Variants in EXOC4 observed in about 807,000 individuals in gnomAD.
The protein encoded by EXOC4 is exocyst complex component 4, also known as SEC8-like 1.
In EXOC4, 71 loss-of-function variants were observed where a neutral mutation model predicts 107.2. That is an observed-to-expected ratio of 0.66 (90% CI 0.55 to 0.81). The LOEUF (loss-of-function observed/expected upper bound fraction) is 0.81, where lower values mean the gene tolerates loss of function less well. EXOC4 is among the 30% of genes least tolerant of loss of function. The probability of loss-of-function intolerance (pLI) is 0.00; values close to 1 mark genes in which losing one functional copy is unlikely to be tolerated. For synonymous variants in EXOC4, 456 were observed against 441.2 expected, an observed-to-expected ratio of 1.03 and a Z score of -0.42; for missense variants, 1,108 against 1,189.6, an observed-to-expected ratio of 0.93 and a Z score of 1.01.
intron 10 of EXOC4, among the ~76,000 whole-genome samples, chr7:133,787,331 T>G (rs1796593079): frequency 7.1e-6 from 1 of 140,128 alleles, no homozygotes; most frequent in Non-Finnish European, 1.6e-5. Flanking sequence ...CACAATAGGC[T>G]AATTTGTGTG....
intron 9 of EXOC4, among the ~76,000 whole-genome samples, chr7:133,588,956 GCA>G (rs1232073053): frequency 6.7e-6 from 1 of 148,342 alleles, no homozygotes; most frequent in African/African-American, 2.5e-5. Flanking sequence ...ATGTGTGTGT[GCA>G]CATATGTGTG....
At chr7:134,070,398 C>CTCT (rs1796257530), downstream of EXOC4, among the ~76,000 whole-genome samples, 1 of 152,182 alleles carries the variant, frequency 6.6e-6, no homozygotes, top group Non-Finnish European at 1.5e-5. Flanking sequence ...AGATGCACAC[C>CTCT]ACAGGTTTAC....
At chr7:133,544,983 C>A (rs1446257611) in intron 9 of EXOC4, among the ~76,000 whole-genome samples, 1 of 151,318 alleles carries the variant, frequency 6.6e-6, no homozygotes, top group Non-Finnish European at 1.5e-5. Context: ...TCACTTTGGG[C>A]CTTTAAAAGC....
intron 7 of EXOC4, among the ~76,000 whole-genome samples, chr7:133,398,279 C>T (rs1474324293): frequency 6.6e-6 from 1 of 152,166 alleles, no homozygotes; most frequent in Non-Finnish European, 1.5e-5. Flanking sequence ...TATCTCCTCA[C>T]TCCAGCAATG....
intron 14 of EXOC4, among the ~76,000 whole-genome samples, chr7:133,963,537 ATGT>A (rs1563073137): frequency 6.6e-6 from 1 of 152,180 alleles, no homozygotes; most frequent in Non-Finnish European, 1.5e-5. Context: ...TGACAAATAG[ATGT>A]TGTGGGCCTC....
intron 14 of EXOC4, among the ~76,000 whole-genome samples, chr7:133,957,069 A>G (rs746263066): frequency 9.2e-5 from 14 of 152,052 alleles, no homozygotes; most frequent in Non-Finnish European, 1.5e-5. Flanking sequence ...CCTCAGTGGC[A>G]TTCTCAAAAT....
intron 5 of EXOC4, among the ~76,000 whole-genome samples, chr7:133,353,370 TC>T (rs1795953361): frequency 1.3e-5 from 2 of 152,160 alleles, no homozygotes; most frequent in African/African-American, 4.8e-5. Context: ...TCTTAATTTT[TC>T]CCAATCACTT....
intron 10 of EXOC4, among the ~76,000 whole-genome samples, chr7:133,672,389 TA>T (rs764420077): frequency 0.029 from 3,735 of 130,098 alleles, 98 homozygotes; most frequent in African/African-American, 0.081. Context: ...AGACTCCGTT[TA>T]AAAAAAAAAA....
chr7:133,527,280 T>C (rs1021513690), intron 9 of EXOC4, among the ~76,000 whole-genome samples: 7 of 151,904 alleles, frequency 4.6e-5, no homozygotes, highest in African/African-American at 4.8e-5. Context: ...GATGGGTGCC[T>C]GTAATCCCAG....
At chr7:133,971,144 A>G (rs1409656766) in intron 14 of EXOC4, among the ~76,000 whole-genome samples, 1 of 151,864 alleles carries the variant, frequency 6.6e-6, no homozygotes, top group Non-Finnish European at 1.5e-5. Context: ...GCAAGGGTAC[A>G]GAAGGTTTAG....
At chr7:133,475,819 G>A (rs1798997420) in intron 8 of EXOC4, among the ~76,000 whole-genome samples, 1 of 152,126 alleles carries the variant, frequency 6.6e-6, no homozygotes, top group Non-Finnish European at 1.5e-5. Flanking sequence ...GGCCCCAAGA[G>A]CCAAGAAACA....
chr7:134,074,597 G>A, the EXOC4 span, among the ~76,000 whole-genome samples: 3 of 152,204 alleles, frequency 2.0e-5, no homozygotes, highest in Non-Finnish European at 4.4e-5. Context: ...GGCCCAAGAG[G>A]AGAGTGGGGA....
chr7:133,508,575 G>T (rs1357076324), intron 9 of EXOC4, among the ~76,000 whole-genome samples: 2 of 152,136 alleles, frequency 1.3e-5, no homozygotes, highest in African/African-American at 2.4e-5. Flanking sequence ...TGCGCTGTAA[G>T]AGATCATCAA....
At chr7:134,011,658 A>G (rs911586196) in intron 17 of EXOC4, among the ~76,000 whole-genome samples, 1 of 152,066 alleles carries the variant, frequency 6.6e-6, no homozygotes, top group Non-Finnish European at 1.5e-5. Context: ...TTCATCAAAT[A>G]TTTATTCAGC....
At position 133,348,232 on chromosome 7, in the gene EXOC4, T is replaced by C. The variant is rs1795829946; in HGVS notation, c.764-8098T>C. On this transcript the variant is annotated intron_variant, in intron 5 of 17. Coordinates refer to ENST00000253861, the MANE Select transcript of EXOC4 (RefSeq NM_021807.4). The stretch of plus-strand genomic sequence containing the variant: ...CCTTTTAATTTTCAGCTGATGTAAG[T>C]GAAATAGATAATATAAATTAATTAA... Among the ~76,000 whole-genome samples, 4 of 152,214 alleles carry C rather than the reference T, an allele frequency of 2.6e-5. No homozygotes were observed. In the South Asian group the frequency reaches 8.3e-4, roughly 31 times the overall value.
chr7:133,413,905 T>A (rs1019098202), intron 7 of EXOC4, among the ~76,000 whole-genome samples: 1 of 152,122 alleles, frequency 6.6e-6, no homozygotes, highest in African/African-American at 2.4e-5. Context: ...TAAAGGGACA[T>A]ACTTTCATGA....
intron 9 of EXOC4, among the ~76,000 whole-genome samples, chr7:133,586,525 C>T (rs1334518334): frequency 5.3e-5 from 8 of 152,106 alleles, no homozygotes; most frequent in Non-Finnish European, 1.5e-5. Context: ...CATTGATGGA[C>T]ATTTAGGTTG....
At chr7:133,400,179 G>C (rs1217977836) in intron 7 of EXOC4, among the ~76,000 whole-genome samples, 1 of 152,210 alleles carries the variant, frequency 6.6e-6, no homozygotes, top group Non-Finnish European at 1.5e-5. Context: ...TAGGGTTGAT[G>C]ACACCTTGGA....
intron 7 of EXOC4, among the ~76,000 whole-genome samples, chr7:133,437,386 A>G (rs546772056): frequency 1.3e-5 from 2 of 152,278 alleles, no homozygotes; most frequent in South Asian, 2.1e-4. Flanking sequence ...GTTTGGTGGC[A>G]TTCATTTTCT....
Sources: gnomAD v4.1 joint callset for allele counts (sites outside exome capture counted in the v4.1 genomes callset) on GRCh38, gnomAD v4.1.1 for gene constraint, MANE v1.5 for transcripts, NCBI Gene and HGNC (gene_info 2026-07-23, HGNC 2026-07-21) for gene names.